CELSR1: variants seen among roughly 807,000 people sequenced by gnomAD.
CELSR1 encodes the protein cadherin EGF LAG seven-pass G-type receptor 1.
In CELSR1, 110 loss-of-function variants were observed where a neutral mutation model predicts 249.1. The observed-to-expected ratio is 0.44, with a 90% confidence interval of 0.38 to 0.52. The LOEUF is 0.52. Among genes scored for constraint, CELSR1 ranks in the 20% least tolerant of loss-of-function variants. The pLI is 0.00. For synonymous variants in CELSR1, 2,113 were observed against 1,900.0 expected, an observed-to-expected ratio of 1.11 and a Z score of -2.92; for missense variants, 4,109 against 4,296.4, an observed-to-expected ratio of 0.96 and a Z score of 1.22.
At chr22:46,382,672 T>C (rs11703038) in intron 20 of CELSR1, among the ~76,000 whole-genome samples, 9,637 of 152,178 alleles carry the variant, frequency 0.063, 388 homozygotes, top group Non-Finnish European at 0.091. Flanking sequence ...GGTGAGTGGA[T>C]AAGCAACACG....
At position 46,374,822 on chromosome 22, in the gene CELSR1, G is replaced by C. The variant is rs2078900435; in HGVS notation, c.7585-1765C>G. 1.3e-5 allele frequency among the ~76,000 whole-genome samples: 2 copies of C among 152,166 alleles called. No individual in the cohort carries two copies. The highest frequency in any genetic ancestry group is 2.1e-4 in the South Asian group (1 of 4,836). On this transcript the variant is annotated intron_variant, in intron 24 of 34. Coordinates refer to ENST00000674500, the MANE Select transcript of CELSR1 (RefSeq NM_001378328.1). This position sits in a 1 kb window ranked among gnomAD's most constrained non-coding sequence, Gnocchi z 4.3. ...CATTGCGGGGATGCGCCCGGCTGCGGATGTGAAGAAACCCCTCCGCAGGAG... is the reference window on the plus strand; with the variant it reads ...CATTGCGGGGATGCGCCCGGCTGCGCATGTGAAGAAACCCCTCCGCAGGAG...
In CELSR1 at chr22:46,517,718, T is replaced by C. The variant is rs1236242035; in HGVS notation, c.3544+15909A>G. 6.6e-6 allele frequency among the ~76,000 whole-genome samples: 1 copy of C among 152,146 alleles called. No homozygotes were observed. Among genetic ancestry groups the C allele is most frequent in the Non-Finnish European group, 1.5e-5 (1 of 68,042 alleles). ...CTCCTCTTTGAAGAATTGGGAGAACTTGCGATTATGTGTTAGAATTTTCCA... is the reference window on the plus strand; with the variant it reads ...CTCCTCTTTGAAGAATTGGGAGAACCTGCGATTATGTGTTAGAATTTTCCA... On this transcript the variant is annotated intron_variant, in intron 1 of 34. Coordinates refer to ENST00000674500, the MANE Select transcript of CELSR1 (RefSeq NM_001378328.1). The surrounding 1 kb of genome is among the most constrained non-coding windows in gnomAD (Gnocchi z 5.4).
Position 46,537,604 on chromosome 22 carries a change from G to A in CELSR1, c.-434C>T, listed in dbSNP as rs1344009833. On this transcript the variant is annotated 5_prime_UTR_variant, in exon 1 of 35. Coordinates refer to ENST00000674500, the MANE Select transcript of CELSR1 (RefSeq NM_001378328.1). This position sits in a 1 kb window ranked among gnomAD's most constrained non-coding sequence, Gnocchi z 5.8. ...GCGCAGACCCCGGCGGCCGGCTGCT[G>A]CCTGGGCGGTGCGCTTGGCCCGCGC... 2.0e-5 allele frequency among the ~76,000 whole-genome samples: 3 copies of A among 147,732 alleles called. No homozygotes were observed. Among genetic ancestry groups the A allele is most frequent in the Non-Finnish European group, 3.0e-5 (2 of 66,328 alleles).
At chr22:46,486,402 G>T (rs1335831180) in intron 1 of CELSR1, among the ~76,000 whole-genome samples, 1 of 151,732 alleles carries the variant, frequency 6.6e-6, no homozygotes, top group Non-Finnish European at 1.5e-5. Flanking sequence ...ACAAAAATTA[G>T]CTGGGCGTGG....
chr22:46,385,945 G>A (rs868022690), intron 19 of CELSR1, among the ~76,000 whole-genome samples: 41 of 149,712 alleles, frequency 2.7e-4, no homozygotes, highest in African/African-American at 9.5e-4. Flanking sequence ...CCAAATTGCT[G>A]GGATTACAGG....
At chr22:46,479,538 T>C (rs1384630815) in intron 1 of CELSR1, among the ~76,000 whole-genome samples, 1 of 144,592 alleles carries the variant, frequency 6.9e-6, no homozygotes, top group African/African-American at 2.5e-5. Context: ...AGACCACAGC[T>C]GCCTCTGGGC....
rs548696837 is a variant in CELSR1 at position 46,508,393 on chromosome 22, C to T, written c.3544+25234G>A. On this transcript the variant is annotated intron_variant, in intron 1 of 34. Transcript: ENST00000674500. ...GGCCCTGCCTCCTGCCTGCTTCCCC[C>T]TGACCGTCCCCTGCGTGGTGGTCAT... 5.1e-3 allele frequency among the ~76,000 whole-genome samples: 776 copies of T among 152,030 alleles called. 7 individuals are homozygous for T. The highest frequency in any genetic ancestry group is 0.018 in the African/African-American group (739 of 41,384).
chr22:46,497,973 G>T lies in CELSR1; in HGVS notation c.3545-33628C>A, dbSNP rs913323401. On this transcript the variant is annotated intron_variant, in intron 1 of 34. Coordinates refer to ENST00000674500, the MANE Select transcript of CELSR1 (RefSeq NM_001378328.1). ...GATTAAGATAGTCTGGTGGGGCCAG[G>T]CACGGTGGCTCACGCTTGTAATCCC... Among the ~76,000 whole-genome samples, 224 of 49,224 alleles carry T rather than the reference G, an allele frequency of 4.6e-3. 1 individual carries two copies. The highest frequency in any genetic ancestry group is 8.8e-3 in the Non-Finnish European group (179 of 20,342). 32.3% of individuals were successfully genotyped at this position (49,224 alleles called of 152,430 possible).
intron 1 of CELSR1, among the ~76,000 whole-genome samples, chr22:46,508,699 T>C (rs748189618): frequency 6.6e-6 from 1 of 152,002 alleles, no homozygotes; most frequent in Admixed American, 6.5e-5. Context: ...TGAGTCTCAG[T>C]TTGGCTGGAA....
chr22:46,485,337 C>T (rs550678869), intron 1 of CELSR1, among the ~76,000 whole-genome samples: 130 of 152,254 alleles, frequency 8.5e-4, no homozygotes, highest in Non-Finnish European at 1.2e-3. Flanking sequence ...GACCTTGGCT[C>T]GGGTTCCTCT....
Position 46,390,460 on chromosome 22 carries a change from C to G in CELSR1, c.6277G>C (p.Glu2093Gln). The G allele has an allele frequency of 6.2e-7, 1 of 1,613,930 alleles. No individual in the cohort carries two copies. Among genetic ancestry groups the G allele is most frequent in the African/African-American group, 1.3e-5 (1 of 75,070 alleles). Residue 2093 changes from glutamate (E) to glutamine (Q), a missense_variant, in exon 17 of 35, where the codon GAG (glutamate) becomes CAG (glutamine). Transcript: ENST00000674500. The surrounding 1 kb of genome is among the most constrained non-coding windows in gnomAD (Gnocchi z 6.3). ...VGNAVRHCSG[E>Q]KGWLPPELFN... The stretch of plus-strand genomic sequence containing the variant: ...AGCTCTGGGGGCAGCCAGCCCTTCT[C>G]CCCGCTGCAGTGTCGGACCGCATTT...
rs747115318 is a variant in CELSR1, at chr22:46,463,805, G to A, written c.4085C>T (p.Thr1362Met). ...GTCGGAGTAGCAGAGGTCGATCTCC[G>A]TCTCGCAGTAGTCGCCGGTGAAGCC... is the stretch of plus-strand genomic sequence containing the variant. ...PPGFTGDYCETEIDLCYSDPC... is the reference protein window; with the variant it reads ...PPGFTGDYCEMEIDLCYSDPC... Residue 1362 changes from threonine (T) to methionine (M), a missense_variant, in exon 2 of 35, where the codon ACG becomes ATG. This residue lies in a region of CELSR1 where 453 missense variants were observed against 492.0 expected (regional missense o/e 0.92). Transcript: ENST00000674500. 20 of 1,609,142 alleles carry A rather than the reference G, an allele frequency of 1.2e-5. No homozygotes were observed. The Admixed American group carries it at 1.3e-4, about 11-fold the overall frequency.
chr22:46,443,014 C>T (rs979102979), intron 2 of CELSR1, among the ~76,000 whole-genome samples: 11 of 151,742 alleles, frequency 7.2e-5, no homozygotes, highest in South Asian at 2.1e-4. Flanking sequence ...AGGAGAATGG[C>T]GTGAACGCGG....
intron 2 of CELSR1, among the ~76,000 whole-genome samples, chr22:46,457,610 C>A (rs376903133): frequency 4.6e-5 from 7 of 152,222 alleles, no homozygotes; most frequent in African/African-American, 1.7e-4. Flanking sequence ...GAAGACGCTA[C>A]CGTGATGACA....
chr22:46,405,377 G>A (rs897262662), intron 9 of CELSR1, among the ~76,000 whole-genome samples: 6 of 150,478 alleles, frequency 4.0e-5, no homozygotes, highest in African/African-American at 4.9e-5. Context: ...GGAGAATGGC[G>A]TGAACCTGGG....
rs985499313 is a variant in CELSR1 at position 46,408,067 on chromosome 22, A to G, written c.5226+929T>C. Among the ~76,000 whole-genome samples the G allele has an allele frequency of 2.1e-4, 28 of 134,642 alleles. No individual in the cohort carries two copies. The highest frequency in any genetic ancestry group is 1.1e-3 in the African/African-American group (27 of 25,272). The allele number at this position is 134,642 out of a possible 152,430, so 88.3% of individuals were successfully genotyped here. On this transcript the variant is annotated intron_variant, in intron 9 of 34. Transcript: ENST00000674500. The surrounding 1 kb of genome is among the most constrained non-coding windows in gnomAD (Gnocchi z 4.6). ...GACAGGGCTCATAACTGTTTCTCAA[A>G]CAAAGTGTCTACGGAGCATGGAAGA...
At position 46,427,230 on chromosome 22, in the gene CELSR1, C is replaced by A. The variant is rs2079546901; in HGVS notation, c.4611+6163G>T. On this transcript the variant is annotated intron_variant, in intron 5 of 34. Transcript: ENST00000674500. The surrounding 1 kb of genome is among the most constrained non-coding windows in gnomAD (Gnocchi z 4.2). ...CCCAGATCTGGATTTCTAAATGCCA[C>A]CCTCCACTAAAAGAACCAGGCTCGG... Among the ~76,000 whole-genome samples, 1 of 152,168 alleles carries A rather than the reference C, an allele frequency of 6.6e-6. No homozygotes were observed. Among genetic ancestry groups the A allele is most frequent in the Non-Finnish European group, 1.5e-5 (1 of 68,024 alleles).
chr22:46,391,841 G>C lies in CELSR1; in HGVS notation c.5965-25C>G, dbSNP rs762438444. ...CCTGCAAAAGCCAGAGGCAGGGCCTGTGACTTCAGATGCCCGGGAGAGGCC... is the reference window on the plus strand; with the variant it reads ...CCTGCAAAAGCCAGAGGCAGGGCCTCTGACTTCAGATGCCCGGGAGAGGCC... On this transcript the variant is annotated intron_variant, in intron 14 of 34. Coordinates refer to ENST00000674500, the MANE Select transcript of CELSR1 (RefSeq NM_001378328.1). This position sits in a 1 kb window ranked among gnomAD's most constrained non-coding sequence, Gnocchi z 4.3. 7 of 1,599,294 alleles carry C rather than the reference G, an allele frequency of 4.4e-6. No individual in the cohort carries two copies. Among genetic ancestry groups the C allele is most frequent in the Non-Finnish European group, 6.0e-6 (7 of 1,175,352 alleles).
At position 46,428,361 on chromosome 22, in the gene CELSR1, A is replaced by G. The variant is rs1435490199; in HGVS notation, c.4611+5032T>C. Among the ~76,000 whole-genome samples the G allele has an allele frequency of 6.6e-6, 1 of 152,220 alleles. No homozygotes were observed. The highest frequency in any genetic ancestry group is 1.5e-5 in the Non-Finnish European group (1 of 68,030). ...CCAGCATGGCGATCGCGACCAGCAC[A>G]GCATCGTCCCCGGCCAGGTGACGGA... On this transcript the variant is annotated intron_variant, in intron 5 of 34. Transcript: ENST00000674500. This position sits in a 1 kb window ranked among gnomAD's most constrained non-coding sequence, Gnocchi z 5.7.
Sources: gnomAD v4.1 joint callset for allele counts (sites outside exome capture counted in the v4.1 genomes callset) on GRCh38, gnomAD v4.1.1 for gene constraint, gnomAD v4.1.1 regional missense constraint, Gnocchi (gnomAD v3.1) non-coding constraint, MANE v1.5 for transcripts, NCBI Gene and HGNC (gene_info 2026-07-23, HGNC 2026-07-21) for gene names.